MYO1E: variants seen among roughly 807,000 people sequenced by gnomAD.
The protein encoded by MYO1E is unconventional myosin-Ie.
Under a neutral mutation model 151.1 loss-of-function variants are expected in MYO1E, and 68 were observed. That is an observed-to-expected ratio of 0.45 (90% CI 0.37 to 0.55). The LOEUF is 0.55. MYO1E is among the 20% of genes least tolerant of loss of function. The pLI is 0.00. For synonymous variants in MYO1E, 601 were observed against 501.7 expected, an observed-to-expected ratio of 1.20 and a Z score of -2.64; for missense variants, 1,363 against 1,389.3, an observed-to-expected ratio of 0.98 and a Z score of 0.30.
At chr15:59,324,671 C>T (rs866799582) in intron 1 of MYO1E, among the ~76,000 whole-genome samples, 32 of 139,202 alleles carry the variant, frequency 2.3e-4, no homozygotes, top group Non-Finnish European at 4.6e-4. Flanking sequence ...AAGCCCCCCC[C>T]CCACAGAGGG....
intron 15 of MYO1E, 28 bp downstream of exon 15, chr15:59,205,372 C>T: frequency 6.2e-7 from 1 of 1,603,574 alleles, no homozygotes; most frequent in Non-Finnish European, 8.5e-7. Context: ...ACCTATATCC[C>T]CTGTCAGCTA....
chr15:59,269,325 G>T (rs890325668), intron 2 of MYO1E, among the ~76,000 whole-genome samples: 18 of 152,014 alleles, frequency 1.2e-4, no homozygotes, highest in African/African-American at 3.9e-4. Flanking sequence ...GTCACAAAAC[G>T]TTTCGGTCAC....
In MYO1E at chr15:59,300,409, AGTCTTTAT is replaced by A. The variant is rs551052026; in HGVS notation, c.4-27968_4-27961del. Reference sequence around the variant, plus strand: ...ACACACACCCCCATTCCCATTTCTGAGTCTTTATTGGCAAAGATACTTCTAGAGGCTTA... The same window carrying A: ...ACACACACCCCCATTCCCATTTCTGATGGCAAAGATACTTCTAGAGGCTTA... On this transcript the variant is annotated intron_variant, in intron 1 of 27. Transcript: ENST00000288235. 9.2e-5 allele frequency among the ~76,000 whole-genome samples: 14 copies of A among 152,164 alleles called. No homozygotes were observed. In the East Asian group the frequency reaches 2.7e-3, roughly 29 times the overall value.
At chr15:59,364,647 G>A (rs147459609) in intron 1 of MYO1E, among the ~76,000 whole-genome samples, 1,764 of 152,264 alleles carry the variant, frequency 0.012, 34 homozygotes, top group African/African-American at 0.039. Context: ...GGTGGCTCAT[G>A]CCTATAATCC....
At chr15:59,184,734 G>A (rs766579307) in intron 18 of MYO1E, among the ~76,000 whole-genome samples, 1 of 152,210 alleles carries the variant, frequency 6.6e-6, no homozygotes, top group Non-Finnish European at 1.5e-5. Flanking sequence ...ATTGTGAATA[G>A]TGCTGCCATA....
chr15:59,157,867 G>A (rs1459556161), intron 25 of MYO1E, among the ~76,000 whole-genome samples: 3 of 152,192 alleles, frequency 2.0e-5, no homozygotes, highest in African/African-American at 7.2e-5. Context: ...TGCATCCCCC[G>A]AGGATAAGGG....
intron 10 of MYO1E, among the ~76,000 whole-genome samples, chr15:59,217,326 T>C (rs1226306183): frequency 6.6e-6 from 1 of 152,066 alleles, no homozygotes; most frequent in African/African-American, 2.4e-5. Flanking sequence ...TTTTCTGGTC[T>C]CTAGTCCTAG....
At chr15:59,138,757 A>C (rs945954700) in intron 26 of MYO1E, among the ~76,000 whole-genome samples, 7 of 152,070 alleles carry the variant, frequency 4.6e-5, no homozygotes, top group African/African-American at 1.5e-4. Context: ...GCCTGTAGGC[A>C]TTTCTCCTTC....
chr15:59,258,722 G>A (rs927792650), intron 3 of MYO1E, among the ~76,000 whole-genome samples: 1 of 152,130 alleles, frequency 6.6e-6, no homozygotes. Context: ...ACATGGTGGT[G>A]TGTGCCTGTA....
At chr15:59,344,291 G>A (rs909026023) in intron 1 of MYO1E, among the ~76,000 whole-genome samples, 3 of 152,240 alleles carry the variant, frequency 2.0e-5, no homozygotes, top group African/African-American at 4.8e-5. Flanking sequence ...CTGCCTTGGT[G>A]GTCTTGTGTA....
At chr15:59,362,206 C>T (rs2080889777) in intron 1 of MYO1E, among the ~76,000 whole-genome samples, 1 of 152,174 alleles carries the variant, frequency 6.6e-6, no homozygotes, top group Admixed American at 6.5e-5. Flanking sequence ...TATAGACCCC[C>T]AAATAGCAGT....
chr15:59,153,544 G>A (rs2079493131), intron 26 of MYO1E, 46 bp downstream of exon 26: 1 of 1,581,466 alleles, frequency 6.3e-7, no homozygotes. Context: ...TTTGAATGAT[G>A]GAGATGGAGC....
Position 59,361,304 on chromosome 15 carries a change from T to C in MYO1E, c.3+11194A>G, listed in dbSNP as rs575715526. 5.9e-5 allele frequency among the ~76,000 whole-genome samples: 9 copies of C among 152,346 alleles called. No homozygotes were observed. The East Asian group carries it at 1.3e-3, about 23-fold the overall frequency. ...TATAAACATTTATTATTTAAGTTACTGAGTTTGGGTGATTGGTCACACCAA... is the reference window on the plus strand; with the variant it reads ...TATAAACATTTATTATTTAAGTTACCGAGTTTGGGTGATTGGTCACACCAA... On this transcript the variant is annotated intron_variant, in intron 1 of 27. Coordinates refer to ENST00000288235, the MANE Select transcript of MYO1E (RefSeq NM_004998.4).
At position 59,153,606 on chromosome 15, in the gene MYO1E, C is replaced by A. The variant is rs1566965566; in HGVS notation, c.3064G>T (p.Asp1022Tyr). The A allele has an allele frequency of 1.9e-6, 3 of 1,614,000 alleles. No homozygotes were observed. The African/African-American group carries it at 4.0e-5, about 22-fold the overall frequency. ...PESLDFLKVP[D>Y]QGAAGVRRQT... ...GAATCTTACCCTGCAGCTCCCTGGT[C>A]CGGGACCTTGAGGAAATCCAGGCTC... Residue 1022 changes from aspartate (D) to tyrosine (Y), a missense_variant, in exon 26 of 28, where the codon GAC (aspartate) becomes TAC (tyrosine). Coordinates refer to ENST00000288235, the MANE Select transcript of MYO1E (RefSeq NM_004998.4).
In MYO1E at chr15:59,324,191, CTG is replaced by C. The variant is rs527861685; in HGVS notation, c.3+48305_3+48306del. 1.6e-4 allele frequency among the ~76,000 whole-genome samples: 25 copies of C among 152,290 alleles called. No individual in the cohort carries two copies. In the South Asian group the frequency reaches 3.9e-3, roughly 24 times the overall value. On this transcript the variant is annotated intron_variant, in intron 1 of 27. Transcript: ENST00000288235. ...AGTGAGGCAGTGAATGACATCTAAACTGTTAGAAAACCCAGACTCCAATTAAT... is the reference window on the plus strand; with the variant it reads ...AGTGAGGCAGTGAATGACATCTAAACTTAGAAAACCCAGACTCCAATTAAT...
chr15:59,206,524 C>CA lies in MYO1E; in HGVS notation c.1531-1040dup, dbSNP rs1301180892. Among the ~76,000 whole-genome samples the CA allele has an allele frequency of 2.6e-5, 4 of 152,238 alleles. No individual in the cohort carries two copies. In the South Asian group the frequency reaches 6.2e-4, roughly 24 times the overall value. On this transcript the variant is annotated intron_variant, in intron 14 of 27. Transcript: ENST00000288235. The stretch of plus-strand genomic sequence containing the variant: ...TGCAGGCAGCCACCAGTACGCAAAG[C>CA]ATAGAGCCCTATCCTTCCTGGCAGG...
intron 25 of MYO1E, among the ~76,000 whole-genome samples, chr15:59,155,371 A>T (rs2087124): frequency 0.21 from 31,400 of 152,182 alleles, 3,960 homozygotes; most frequent in African/African-American, 0.36. Context: ...TTTTATTGTA[A>T]CATACAAATA....
chr15:59,136,892 A>G lies in MYO1E; in HGVS notation c.*488T>C, dbSNP rs140581637. On this transcript the variant is annotated 3_prime_UTR_variant, in exon 28 of 28. Coordinates refer to ENST00000288235, the MANE Select transcript of MYO1E (RefSeq NM_004998.4). ...TACATGGGAAGTGCCTGCTCACGCT[A>G]AGCCCAGTCTGCAGAGGGCGGGTCC... 6.9e-4 allele frequency: 276 copies of G among 400,920 alleles called. No homozygotes were observed. Among genetic ancestry groups the G allele is most frequent in the African/African-American group, 4.5e-3 (216 of 48,384 alleles). 24.8% of individuals were successfully genotyped at this position (400,920 alleles called of 1,614,324 possible).
intron 16 of MYO1E, among the ~76,000 whole-genome samples, chr15:59,198,830 C>A (rs117206541): frequency 6.8e-6 from 1 of 146,876 alleles, no homozygotes. Flanking sequence ...AGAAAAAAAA[C>A]AAAAAAAAAA....
Sources: allele counts gnomAD v4.1 joint callset (sites outside exome capture counted in the v4.1 genomes callset), GRCh38; gene constraint gnomAD v4.1.1; transcripts MANE v1.5; gene names NCBI Gene and HGNC (gene_info 2026-07-23, HGNC 2026-07-21).